Variants in TKTL1 observed in about 807,000 individuals in gnomAD.
TKTL1 encodes the protein transketolase like 1.
In TKTL1, 1 loss-of-function variant was observed where a neutral mutation model predicts 39.3. The ratio of observed to expected loss-of-function variants is 0.03; its 90% CI spans 0.01 to 0.12. The LOEUF (loss-of-function observed/expected upper bound fraction) is 0.12, where lower values mean the gene tolerates loss of function less well. TKTL1 is among the 10% of genes least tolerant of loss of function. The pLI is 1.00. For missense variants in TKTL1, 575 were observed against 509.6 expected, an observed-to-expected ratio of 1.13 and a Z score of -1.24; for synonymous variants, 262 against 193.8, an observed-to-expected ratio of 1.35 and a Z score of -2.92.
At chrX:154,296,279 C>T (rs1211732376) in intron 1 of TKTL1, among the ~76,000 whole-genome samples, 3 of 111,361 alleles carry the variant, frequency 2.7e-5, no homozygotes, top group African/African-American at 9.8e-5. Flanking sequence ...CCAAGATCTC[C>T]AGTTGGGAGA....
chrX:154,304,891 C>T (rs1351349797), intron 1 of TKTL1: 39 of 612,212 alleles, frequency 6.4e-5, no homozygotes, highest in Non-Finnish European at 8.5e-5. Flanking sequence ...TGACAAATTT[C>T]TCAGTCTGTC....
At chrX:154,303,807 C>A (rs2067294201) in intron 1 of TKTL1, among the ~76,000 whole-genome samples, 1 of 109,340 alleles carries the variant, frequency 9.1e-6, no homozygotes, top group South Asian at 4.0e-4. Context: ...TTGTCACTAC[C>A]GAGTCCTAGC....
Position 154,329,505 on chromosome X carries a change from T to A in TKTL1, c.1619-11T>A. ...CTTTCACAAAAGGGCCTAACATCCT[T>A]GTTTCCCCAGGTGGCATCGGGGAAG... is the stretch of plus-strand genomic sequence containing the variant. On this transcript the variant is annotated splice_polypyrimidine_tract_variant and intron_variant, in intron 12 of 12. Coordinates refer to ENST00000369915, the MANE Select transcript of TKTL1 (RefSeq NM_012253.4). The A allele has an allele frequency of 8.3e-7, 1 of 1,209,872 alleles. No individual in the cohort carries two copies. Among genetic ancestry groups the A allele is most frequent in the Non-Finnish European group, 1.1e-6 (1 of 893,930 alleles).
intron 1 of TKTL1, among the ~76,000 whole-genome samples, chrX:154,301,848 C>T (rs2067276163): frequency 9.2e-6 from 1 of 108,166 alleles, no homozygotes; most frequent in Non-Finnish European, 1.9e-5. Context: ...CCACCTCGGC[C>T]TCCCAAGATG....
chrX:154,310,769 A>G, intron 3 of TKTL1, 67 bp from the exon 4 acceptor site: 1 of 969,026 alleles, frequency 1.0e-6, no homozygotes. Flanking sequence ...CTCCTCCTGA[A>G]ATGCATTTGT....
chrX:154,308,225 G>T (rs1016874423), intron 2 of TKTL1, among the ~76,000 whole-genome samples: 1 of 111,996 alleles, frequency 8.9e-6, no homozygotes, highest in Non-Finnish European at 1.9e-5. Context: ...CAGTGCTGAC[G>T]CTTGAGCAGG....
At chrX:154,299,979 G>A (rs1233596423) in intron 1 of TKTL1, among the ~76,000 whole-genome samples, 1 of 109,475 alleles carries the variant, frequency 9.1e-6, no homozygotes, top group African/African-American at 3.3e-5. Context: ...TGGATTGAAT[G>A]GTAGATAGAT....
intron 1 of TKTL1, among the ~76,000 whole-genome samples, chrX:154,304,102 T>TGAGAG (rs1260417665): frequency 9.0e-6 from 1 of 110,538 alleles, no homozygotes; most frequent in African/African-American, 3.3e-5. Flanking sequence ...AGATGGAACC[T>TGAGAG]GAGAGGAAGA....
chrX:154,301,293 G>A (rs1731406924), intron 1 of TKTL1, among the ~76,000 whole-genome samples: 1 of 109,869 alleles, frequency 9.1e-6, no homozygotes, highest in South Asian at 4.0e-4. Flanking sequence ...AGGTGGGGTG[G>A]ATCACCTGAG....
At chrX:154,310,722 G>A (rs2067349978) in intron 3 of TKTL1, 114 bp from the exon 4 acceptor site, 4 of 627,426 alleles carry the variant, frequency 6.4e-6, no homozygotes, top group African/African-American at 2.2e-5. Flanking sequence ...TGTGGGAAGC[G>A]AATGGTCTGG....
In TKTL1 at chrX:154,316,771, G is replaced by GTT. The variant is rs386417754; in HGVS notation, c.1029+1445_1029+1446dup. Reference sequence around the variant, plus strand: ...TGTGGTTTTTGGTTTTTTTTTGGGGGTTTTTTTTTTTTGAGATGGAGTCTC... The same window carrying GTT: ...TGTGGTTTTTGGTTTTTTTTTGGGGGTTTTTTTTTTTTTTGAGATGGAGTCTC... On this transcript the variant is annotated intron_variant, in intron 7 of 12. Transcript: ENST00000369915. Among the ~76,000 whole-genome samples the GTT allele has an allele frequency of 1.0e-2, 1,004 of 100,547 alleles. 8 individuals are homozygous for GTT. Among genetic ancestry groups the GTT allele is most frequent in the Non-Finnish European group, 0.016 (775 of 49,418 alleles). The allele number at this position is 100,547 out of a possible 115,157, so 87.3% of individuals were successfully genotyped here. A position where few individuals can be genotyped will look rare whatever the true frequency, so the allele number is the denominator to read the frequency against.
chrX:154,311,409 C>G (rs1402652755), intron 5 of TKTL1, among the ~76,000 whole-genome samples, 171 bp downstream of exon 5: 2 of 112,271 alleles, frequency 1.8e-5, no homozygotes, highest in African/African-American at 6.5e-5. Flanking sequence ...TAGCTAGTGT[C>G]TGCTTAGGAT....
chrX:154,301,007 A>C (rs1164649289), intron 1 of TKTL1, among the ~76,000 whole-genome samples: 1 of 109,888 alleles, frequency 9.1e-6, no homozygotes, highest in African/African-American at 3.3e-5. Context: ...AGGGTTTTCT[A>C]GCTGTATGAT....
chrX:154,325,258 C>A, intron 9 of TKTL1, 81 bp from the exon 10 acceptor site: 1 of 934,808 alleles, frequency 1.1e-6, no homozygotes, highest in Non-Finnish European at 1.5e-6. Flanking sequence ...CCTCTTCACA[C>A]CCCTCCTTCA....
At chrX:154,305,444 G>A (rs1557167040) in intron 2 of TKTL1, 23 bp downstream of exon 2, 1 of 1,194,145 alleles carries the variant, frequency 8.4e-7, no homozygotes, top group Non-Finnish European at 1.1e-6. Context: ...GGAGCCCAGG[G>A]CTGCTGTGGC....
intron 8 of TKTL1, 110 bp downstream of exon 8, chrX:154,321,023 A>T (rs1428885598): frequency 9.7e-6 from 9 of 931,020 alleles, no homozygotes; most frequent in Non-Finnish European, 1.4e-5. Flanking sequence ...AAGTTTGATT[A>T]TTCAAGCCTT....
At chrX:154,299,039 C>A (rs2067252250) in intron 1 of TKTL1, among the ~76,000 whole-genome samples, 2 of 108,726 alleles carry the variant, frequency 1.8e-5, no homozygotes, top group Admixed American at 9.9e-5. Flanking sequence ...AATGTGTTTA[C>A]AGCTAGAAAT....
At chrX:154,312,557 G>T in intron 5 of TKTL1, 23 bp from the exon 6 acceptor site, 1 of 1,192,168 alleles carries the variant, frequency 8.4e-7, no homozygotes, top group Non-Finnish European at 1.1e-6. Flanking sequence ...TGGAATGGAT[G>T]TCTTTTGTTT....
chrX:154,318,861 A>G (rs2067426358), intron 7 of TKTL1, among the ~76,000 whole-genome samples: 1 of 109,581 alleles, frequency 9.1e-6, no homozygotes, highest in South Asian at 3.8e-4. Context: ...CATTCCATTC[A>G]TTTCCCCAAT....
Sources: gnomAD v4.1 joint callset for allele counts (sites outside exome capture counted in the v4.1 genomes callset) on GRCh38, gnomAD v4.1.1 for gene constraint, MANE v1.5 for transcripts, NCBI Gene and HGNC (gene_info 2026-07-23, HGNC 2026-07-21) for gene names.